The following ADGRG6 variants were observed in gnomAD, a reference collection of about 807,000 sequenced individuals.
The protein encoded by ADGRG6 is adhesion G protein-coupled receptor G6, also known as G-protein coupled receptor 126.
A neutral mutation model predicts 142.4 loss-of-function variants in ADGRG6; 84 were observed. The ratio of observed to expected loss-of-function variants is 0.59; its 90% confidence interval spans 0.49 to 0.71. The LOEUF (loss-of-function observed/expected upper bound fraction) is 0.71. ADGRG6 is among the 30% of genes least tolerant of loss of function. The probability of loss-of-function intolerance (pLI) is 0.00; values close to 1 mark genes in which losing one functional copy is unlikely to be tolerated. For synonymous variants in ADGRG6, 521 were observed against 520.5 expected (o/e 1.00, Z -0.01); for missense variants, 1,367 against 1,466.6 (o/e 0.93, Z 1.11).
intron 3 of ADGRG6, among the ~76,000 whole-genome samples, chr6:142,368,755 C>T (rs956622408): frequency 6.6e-6 from 1 of 151,882 alleles, no homozygotes; most frequent in Non-Finnish European, 1.5e-5. Flanking sequence ...GGTTAAAACA[C>T]ACATGCTTAA....
intron 2 of ADGRG6, among the ~76,000 whole-genome samples, chr6:142,313,618 A>G (rs1290454238): frequency 6.6e-6 from 1 of 152,176 alleles, no homozygotes; most frequent in East Asian, 1.9e-4. Flanking sequence ...TGAATTGTGT[A>G]CTTTCTAGCC....
chr6:142,416,830 C>T (rs140563411), intron 20 of ADGRG6, among the ~76,000 whole-genome samples: 1 of 152,134 alleles, frequency 6.6e-6, no homozygotes, highest in African/African-American at 2.4e-5. Context: ...GACTTTATAG[C>T]CCCCTTGCTT....
chr6:142,303,525 C>T (rs962035580), intron 1 of ADGRG6, among the ~76,000 whole-genome samples: 1 of 152,178 alleles, frequency 6.6e-6, no homozygotes, highest in African/African-American at 2.4e-5. Flanking sequence ...AATAATTCCA[C>T]ACCTGGGAGT....
chr6:142,383,040 T>C (rs1486739314), intron 5 of ADGRG6, among the ~76,000 whole-genome samples: 1 of 152,158 alleles, frequency 6.6e-6, no homozygotes. Flanking sequence ...TTTCAAATTG[T>C]TATATGAAAT....
intron 7 of ADGRG6, 28 bp from the exon 8 acceptor site, chr6:142,392,920 A>T: frequency 6.5e-7 from 1 of 1,544,044 alleles, no homozygotes; most frequent in Non-Finnish European, 8.9e-7. Flanking sequence ...TATTAGCAAA[A>T]CTCAGCCTTT....
intron 2 of ADGRG6, among the ~76,000 whole-genome samples, chr6:142,312,350 TAAA>T (rs903867834): frequency 6.6e-6 from 1 of 152,028 alleles, no homozygotes; most frequent in Non-Finnish European, 1.5e-5. Flanking sequence ...ATGGGACACT[TAAA>T]AAAGAAATAT....
At chr6:142,431,285 C>A (rs1362466526) in intron 22 of ADGRG6, among the ~76,000 whole-genome samples, 1 of 151,970 alleles carries the variant, frequency 6.6e-6, no homozygotes, top group Non-Finnish European at 1.5e-5. Context: ...AGTTATCAAG[C>A]TGAAGAAACT....
intron 20 of ADGRG6, 76 bp downstream of exon 20, chr6:142,416,140 T>C (rs1024022933): frequency 1.8e-6 from 2 of 1,100,876 alleles, no homozygotes; most frequent in Non-Finnish European, 2.6e-6. Flanking sequence ...AAAAATCTTA[T>C]TTAAAAAAAA....
chr6:142,352,663 A>C (rs566457621), intron 2 of ADGRG6, among the ~76,000 whole-genome samples: 2 of 152,298 alleles, frequency 1.3e-5, no homozygotes, highest in African/African-American at 2.4e-5. Context: ...GTATAAGTAC[A>C]TATGTTGGAT....
In ADGRG6 at chr6:142,341,704, G is replaced by C. The variant is rs1779667730; in HGVS notation, c.104-25865G>C. 4.3e-5 allele frequency among the ~76,000 whole-genome samples: 6 copies of C among 138,146 alleles called. No individual in the cohort carries two copies. In the South Asian group the frequency reaches 1.3e-3, roughly 31 times the overall value. 90.6% of individuals were successfully genotyped at this position (138,146 alleles called of 152,430 possible). On this transcript the variant is annotated intron_variant, in intron 2 of 24. Transcript: ENST00000367609. ...ATATAAATGGAGACCTCATTGGAGA[G>C]CAAGATTCTAATGATAGTTGTGCCA...
intron 2 of ADGRG6, among the ~76,000 whole-genome samples, chr6:142,326,087 C>T (rs1778763332): frequency 6.6e-6 from 1 of 151,766 alleles, no homozygotes; most frequent in Non-Finnish European, 1.5e-5. Context: ...ACTATGTTTG[C>T]AAAATATGCA....
Position 142,444,419 on chromosome 6 carries a change from A to C in ADGRG6, c.*904A>C, listed in dbSNP as rs1028637471. On this transcript the variant is annotated 3_prime_UTR_variant, in exon 25 of 25. Transcript: ENST00000367609. ...GAATTTTCCTTTTAGGAGACACACA[A>C]TTAAGACTCTCTGGTTCTGTCCTTG... 6.6e-6 allele frequency: 1 copy of C among 152,202 alleles called. No individual in the cohort carries two copies. The highest frequency in any genetic ancestry group is 2.4e-5 in the African/African-American group (1 of 41,454). The allele number at this position is 152,202 out of a possible 1,614,324, so 9.4% of individuals were successfully genotyped here. A position where few individuals can be genotyped will look rare whatever the true frequency, so the allele number is the denominator to read the frequency against.
intron 2 of ADGRG6, among the ~76,000 whole-genome samples, chr6:142,330,040 T>A (rs934781581): frequency 1.3e-5 from 2 of 152,046 alleles, no homozygotes; most frequent in African/African-American, 4.8e-5. Context: ...CTGGAAGAAA[T>A]TTTTCATTTG....
chr6:142,433,151 C>G (rs948714926), intron 22 of ADGRG6, among the ~76,000 whole-genome samples: 5 of 152,158 alleles, frequency 3.3e-5, no homozygotes, highest in Non-Finnish European at 5.9e-5. Context: ...AGAACAAATT[C>G]TGGAAATTCT....
At chr6:142,304,880 A>G (rs1325675628) in intron 1 of ADGRG6, among the ~76,000 whole-genome samples, 1 of 152,164 alleles carries the variant, frequency 6.6e-6, no homozygotes, top group East Asian at 1.9e-4. Context: ...GGTGCCATAT[A>G]AAGGATATAT....
intron 22 of ADGRG6, among the ~76,000 whole-genome samples, chr6:142,421,688 C>T (rs937188748): frequency 3.3e-5 from 5 of 152,268 alleles, no homozygotes; most frequent in East Asian, 1.9e-4. Context: ...GTCTGTTCAG[C>T]TCTGTTTCCA....
chr6:142,431,140 T>G (rs1777186897), intron 22 of ADGRG6, among the ~76,000 whole-genome samples: 1 of 152,010 alleles, frequency 6.6e-6, no homozygotes, highest in Non-Finnish European at 1.5e-5. Flanking sequence ...TAGTGAAAGA[T>G]GGAAGTGAAA....
intron 6 of ADGRG6, among the ~76,000 whole-genome samples, chr6:142,384,499 A>G (rs1294227333): frequency 1.3e-5 from 2 of 152,168 alleles, no homozygotes; most frequent in Non-Finnish European, 2.9e-5. Context: ...AACAGAGGAA[A>G]AGTCAGGTGA....
rs1196980263 is a variant in ADGRG6 at position 142,403,919 on chromosome 6, T to G, written c.2073T>G (p.Asn691Lys). 1 of 1,610,462 alleles carries G rather than the reference T, an allele frequency of 6.2e-7. No homozygotes were observed. The highest frequency in any genetic ancestry group is 1.7e-5 in the Admixed American group (1 of 59,914). Residue 691 changes from asparagine (N) to lysine (K), a missense_variant, in exon 14 of 25, where the codon AAT (asparagine) becomes AAG (lysine). By Grantham distance (94) the Asn-to-Lys change is moderately conservative. This residue lies in a region of ADGRG6 where 286 missense variants were observed against 371.4 expected (regional missense o/e 0.77). Transcript: ENST00000367609. ...TATCATCCCTGTTACCAGGGACAAA[T>G]GCAATTTCAAATTTTAGCATTGGTC... ...LSVSSLLPGT[N>K]AISNFSIGLP...
Sources: allele counts gnomAD v4.1 joint callset (sites outside exome capture counted in the v4.1 genomes callset), GRCh38; gene constraint gnomAD v4.1.1; regional missense constraint gnomAD v4.1.1; transcripts MANE v1.5; gene names NCBI Gene and HGNC (gene_info 2026-07-23, HGNC 2026-07-21).